The following FAM227B variants were observed in gnomAD, a reference collection of about 807,000 sequenced individuals.
FAM227B encodes the protein family with sequence similarity 227 member B.
A neutral mutation model predicts 73.8 loss-of-function variants in FAM227B; 88 were observed. That is an observed-to-expected ratio of 1.19 (90% CI 1.00 to 1.42). The LOEUF (loss-of-function observed/expected upper bound fraction) is 1.42. Ranked by LOEUF, FAM227B falls within the 40% of genes most tolerant of loss-of-function variation. The probability of loss-of-function intolerance (pLI) is 0.00; values close to 1 mark genes in which losing one functional copy is unlikely to be tolerated. For missense variants in FAM227B, 632 were observed against 590.9 expected, an observed-to-expected ratio of 1.07 and a Z score of -0.72; for synonymous variants, 210 against 190.5, an observed-to-expected ratio of 1.10 and a Z score of -0.84.
intron 9 of FAM227B, among the ~76,000 whole-genome samples, chr15:49,564,013 C>A (rs2152341370): frequency 6.6e-6 from 1 of 152,296 alleles, no homozygotes; most frequent in Admixed American, 6.5e-5. Context: ...TAAAAAGCTT[C>A]TGCACAACAT....
intron 3 of FAM227B, among the ~76,000 whole-genome samples, chr15:49,592,761 G>C (rs1251173193): frequency 6.6e-6 from 1 of 152,232 alleles, no homozygotes; most frequent in African/African-American, 2.4e-5. Context: ...GAAGTTGTCT[G>C]CTGCCTTTTG....
chr15:49,473,582 G>A (rs2054981068), intron 11 of FAM227B, among the ~76,000 whole-genome samples: 1 of 152,048 alleles, frequency 6.6e-6, no homozygotes, highest in East Asian at 1.9e-4. Context: ...ATTGGAGTTG[G>A]TCTCACGTTT....
chr15:49,439,304 AAGAG>A (rs570653949), intron 11 of FAM227B, among the ~76,000 whole-genome samples: 4 of 151,096 alleles, frequency 2.6e-5, no homozygotes, highest in Admixed American at 6.6e-5. Context: ...GGGAGGGAGA[AAGAG>A]AGAGAGAAAG....
At chr15:49,525,819 A>G (rs149620268) in intron 10 of FAM227B, among the ~76,000 whole-genome samples, 3 of 150,760 alleles carry the variant, frequency 2.0e-5, no homozygotes, top group African/African-American at 7.3e-5. Context: ...GAAGGATATC[A>G]TATGATATTG....
intron 11 of FAM227B, among the ~76,000 whole-genome samples, chr15:49,445,715 T>C (rs2052134796): frequency 6.6e-6 from 1 of 151,576 alleles, no homozygotes. Context: ...CAAGTTCAGA[T>C]GATAATAGCT....
intron 10 of FAM227B, among the ~76,000 whole-genome samples, chr15:49,522,409 C>T (rs909714203): frequency 1.3e-5 from 2 of 152,074 alleles, no homozygotes; most frequent in African/African-American, 2.4e-5. Context: ...TTGACATCCC[C>T]AAAGGAATCA....
intron 11 of FAM227B, among the ~76,000 whole-genome samples, chr15:49,443,286 T>C (rs981928865): frequency 1.3e-5 from 2 of 151,650 alleles, no homozygotes; most frequent in Non-Finnish European, 3.0e-5. Flanking sequence ...TTCTTTACTA[T>C]TATATATGTT....
intron 10 of FAM227B, among the ~76,000 whole-genome samples, chr15:49,531,810 A>G (rs968441280): frequency 6.6e-6 from 1 of 151,904 alleles, no homozygotes; most frequent in Non-Finnish European, 1.5e-5. Context: ...TTCATTGTTC[A>G]TTTACATTTC....
intron 13 of FAM227B, chr15:49,354,043 TCA>T (rs980241638): frequency 2.6e-5 from 4 of 152,194 alleles, no homozygotes; most frequent in Non-Finnish European, 5.9e-5. Context: ...TTCTGGAGTC[TCA>T]GAGTTCTTTT....
intron 11 of FAM227B, among the ~76,000 whole-genome samples, chr15:49,439,262 G>A (rs1381755046): frequency 6.6e-6 from 1 of 151,112 alleles, no homozygotes. Flanking sequence ...TTCAGACTGA[G>A]CAATGAGAGG....
chr15:49,351,272 T>C (rs1212715426), intron 13 of FAM227B, among the ~76,000 whole-genome samples: 2 of 152,314 alleles, frequency 1.3e-5, no homozygotes, highest in Non-Finnish European at 2.9e-5. Context: ...AAATGACTAC[T>C]AGCTATGGAA....
At chr15:49,529,877 G>A (rs1267589899) in intron 10 of FAM227B, among the ~76,000 whole-genome samples, 1 of 151,658 alleles carries the variant, frequency 6.6e-6, no homozygotes, top group Non-Finnish European at 1.5e-5. Flanking sequence ...GAACTTTTGG[G>A]ATTGACTTTA....
At chr15:49,355,269 G>T (rs2042947519) in intron 13 of FAM227B, among the ~76,000 whole-genome samples, 2 of 152,154 alleles carry the variant, frequency 1.3e-5, no homozygotes, top group South Asian at 2.1e-4. Flanking sequence ...AGAGAAGAAG[G>T]CTTCAGACTA....
At chr15:49,350,468 T>A (rs754961093) in intron 13 of FAM227B, among the ~76,000 whole-genome samples, 1 of 152,148 alleles carries the variant, frequency 6.6e-6, no homozygotes, top group Non-Finnish European at 1.5e-5. Context: ...GATCACATAC[T>A]AATTCTCGAT....
At chr15:49,406,266 G>T (rs1307428345) in intron 11 of FAM227B, among the ~76,000 whole-genome samples, 3 of 152,146 alleles carry the variant, frequency 2.0e-5, no homozygotes, top group African/African-American at 7.2e-5. Flanking sequence ...ATGTGGTGGG[G>T]TGCACACTCG....
At chr15:49,527,079 C>T (rs1435077094) in intron 10 of FAM227B, among the ~76,000 whole-genome samples, 1 of 151,334 alleles carries the variant, frequency 6.6e-6, no homozygotes, top group Non-Finnish European at 1.5e-5. Context: ...GTAAGGACAC[C>T]ATAAAAAAGA....
intron 11 of FAM227B, among the ~76,000 whole-genome samples, chr15:49,376,186 C>T (rs1445252930): frequency 6.6e-6 from 1 of 151,962 alleles, no homozygotes; most frequent in African/African-American, 2.4e-5. Flanking sequence ...GGTGTCATAT[C>T]TAAGACTCAT....
chr15:49,562,557 A>C (rs1383899347), intron 9 of FAM227B, among the ~76,000 whole-genome samples: 1 of 151,964 alleles, frequency 6.6e-6, no homozygotes, highest in Non-Finnish European at 1.5e-5. Context: ...GAAAAAAAAA[A>C]CTGTAGGCCA....
chr15:49,496,389 A>T (rs1223835506), intron 11 of FAM227B, among the ~76,000 whole-genome samples: 1 of 152,240 alleles, frequency 6.6e-6, no homozygotes, highest in Non-Finnish European at 1.5e-5. Flanking sequence ...AGAGGTATAA[A>T]AATAGTTTTT....
Sources: gnomAD v4.1 joint callset for allele counts (sites outside exome capture counted in the v4.1 genomes callset) on GRCh38, gnomAD v4.1.1 for gene constraint, MANE v1.5 for transcripts, NCBI Gene and HGNC (gene_info 2026-07-23, HGNC 2026-07-21) for gene names.